Variants in PTPRD observed in about 807,000 individuals in gnomAD.
PTPRD encodes protein tyrosine phosphatase receptor type D.
A neutral mutation model predicts 214.5 loss-of-function variants in PTPRD; 34 were observed. The ratio of observed to expected loss-of-function variants is 0.16; its 90% CI spans 0.12 to 0.21. The LOEUF (loss-of-function observed/expected upper bound fraction) is 0.21, where lower values mean the gene tolerates loss of function less well. Ranked by LOEUF, PTPRD falls within the 10% of genes least tolerant of loss-of-function variation. PTPRD has a pLI of 1.00. For synonymous variants in PTPRD, 1,128 were observed against 845.7 expected (o/e 1.33, Z -5.79); for missense variants, 2,545 against 2,398.7 (o/e 1.06, Z -1.27).
chr9:9,686,823 T>C (rs973536489), intron 7 of PTPRD, among the ~76,000 whole-genome samples: 1 of 151,744 alleles, frequency 6.6e-6, no homozygotes, highest in African/African-American at 2.4e-5. Context: ...TTAGAAGTTA[T>C]CATACTTAAC....
intron 8 of PTPRD, among the ~76,000 whole-genome samples, chr9:9,551,817 T>C (rs2080339836): frequency 6.6e-6 from 1 of 151,978 alleles, no homozygotes; most frequent in Non-Finnish European, 1.5e-5. Context: ...ATGTATCTGC[T>C]AGTGGACTGT....
chr9:9,182,324 A>T (rs1242353365), intron 10 of PTPRD, among the ~76,000 whole-genome samples: 7 of 152,026 alleles, frequency 4.6e-5, no homozygotes, highest in African/African-American at 1.7e-4. Flanking sequence ...TCAACAGGGG[A>T]TAGGGACGGT....
At chr9:10,486,854 T>A (rs34941620) in intron 2 of PTPRD, among the ~76,000 whole-genome samples, 1 of 152,064 alleles carries the variant, frequency 6.6e-6, no homozygotes. Context: ...TTGATGTTTC[T>A]TCATTGATTT....
intron 4 of PTPRD, among the ~76,000 whole-genome samples, chr9:10,003,087 G>A (rs1223309735): frequency 1.3e-5 from 2 of 151,824 alleles, no homozygotes; most frequent in African/African-American, 4.8e-5. Context: ...TGAAAGAGGT[G>A]ACATATCAAG....
chr9:9,835,945 A>G (rs1286814057), intron 5 of PTPRD, among the ~76,000 whole-genome samples: 1 of 152,172 alleles, frequency 6.6e-6, no homozygotes, highest in Non-Finnish European at 1.5e-5. Context: ...TTCTACCACT[A>G]GATGGAAATT....
chr9:9,888,727 G>A (rs1252931279), intron 5 of PTPRD, among the ~76,000 whole-genome samples: 2 of 152,050 alleles, frequency 1.3e-5, no homozygotes, highest in South Asian at 2.1e-4. Flanking sequence ...GCTGAACCAT[G>A]AGCCAAATAG....
intron 5 of PTPRD, among the ~76,000 whole-genome samples, chr9:9,828,853 A>T (rs983579213): frequency 1.3e-5 from 2 of 151,890 alleles, no homozygotes; most frequent in African/African-American, 4.8e-5. Flanking sequence ...ATAACCACAA[A>T]ATGTATTAGA....
chr9:9,170,497 C>T (rs1006590800), intron 10 of PTPRD, among the ~76,000 whole-genome samples: 4 of 152,140 alleles, frequency 2.6e-5, no homozygotes, highest in Admixed American at 1.3e-4. Context: ...CTAATAGCTG[C>T]GAGTGTTACT....
intron 2 of PTPRD, among the ~76,000 whole-genome samples, chr9:10,467,399 A>G (rs909641094): frequency 9.9e-5 from 15 of 152,198 alleles, no homozygotes; most frequent in African/African-American, 3.6e-4. Flanking sequence ...AACCAAAATT[A>G]TTATTATTGG....
At position 9,893,798 on chromosome 9, in the gene PTPRD, C is replaced by A. The variant is rs12003446; in HGVS notation, c.-368+44709G>T. On this transcript the variant is annotated intron_variant, in intron 5 of 45. Transcript: ENST00000381196. The stretch of plus-strand genomic sequence containing the variant: ...TTACCTCCTCTAGCTACCACCTTGT[C>A]TTCTTTTAGCCTGTTCCTTTTATGT... Among the ~76,000 whole-genome samples, 958 of 152,050 alleles carry A rather than the reference C, an allele frequency of 6.3e-3. 11 individuals are homozygous for A. Among genetic ancestry groups the A allele is most frequent in the African/African-American group, 0.021 (883 of 41,430 alleles).
intron 3 of PTPRD, among the ~76,000 whole-genome samples, chr9:10,037,913 T>C (rs2097217510): frequency 6.6e-6 from 1 of 152,176 alleles, no homozygotes; most frequent in Non-Finnish European, 1.5e-5. Flanking sequence ...CATTTTATTT[T>C]CAGTAATGTT....
At chr9:8,525,179 G>A (rs1261962418) in intron 17 of PTPRD, 144 bp from the exon 18 acceptor site, 1 of 772,736 alleles carries the variant, frequency 1.3e-6, no homozygotes, top group South Asian at 1.4e-5. Flanking sequence ...AAGTTGCACA[G>A]ACAGAAAATG....
intron 5 of PTPRD, among the ~76,000 whole-genome samples, chr9:9,936,265 A>G (rs2089351690): frequency 2.7e-5 from 4 of 150,110 alleles, no homozygotes; most frequent in Admixed American, 2.0e-4. Context: ...GCACAGCAAA[A>G]GAAACTACCA....
intron 10 of PTPRD, among the ~76,000 whole-genome samples, chr9:9,058,640 G>A (rs1414253824): frequency 6.6e-6 from 1 of 150,568 alleles, no homozygotes; most frequent in Non-Finnish European, 1.5e-5. Context: ...TAGTAGAGAC[G>A]GGGTTTCACC....
intron 9 of PTPRD, among the ~76,000 whole-genome samples, chr9:9,300,996 C>A (rs185220737): frequency 1.3e-5 from 2 of 151,846 alleles, no homozygotes; most frequent in African/African-American, 4.8e-5. Flanking sequence ...AAAGCACCAG[C>A]ACTATGTTAA....
chr9:10,125,634 G>GTA (rs1189474663), intron 3 of PTPRD, among the ~76,000 whole-genome samples: 1 of 149,946 alleles, frequency 6.7e-6, no homozygotes, highest in Non-Finnish European at 1.5e-5. Context: ...GTGTGTGTGT[G>GTA]TGTGTGTGTG....
intron 5 of PTPRD, among the ~76,000 whole-genome samples, chr9:9,888,569 T>G (rs2071897035): frequency 6.6e-6 from 1 of 152,068 alleles, no homozygotes; most frequent in South Asian, 2.1e-4. Flanking sequence ...GAGAGCCAAT[T>G]GTTAAAAATA....
At chr9:10,213,250 G>T (rs556887798) in intron 3 of PTPRD, among the ~76,000 whole-genome samples, 1 of 152,142 alleles carries the variant, frequency 6.6e-6, no homozygotes, top group South Asian at 2.1e-4. Flanking sequence ...GGCAGAGTAA[G>T]CAAGTCAAAA....
At chr9:9,721,193 A>C (rs1403485331) in intron 7 of PTPRD, among the ~76,000 whole-genome samples, 1 of 152,158 alleles carries the variant, frequency 6.6e-6, no homozygotes, top group Non-Finnish European at 1.5e-5. Flanking sequence ...AGAGTATAGA[A>C]AGTTGCAATA....
Sources: allele counts gnomAD v4.1 joint callset (sites outside exome capture counted in the v4.1 genomes callset), GRCh38; gene constraint gnomAD v4.1.1; transcripts MANE v1.5; gene names NCBI Gene and HGNC (gene_info 2026-07-23, HGNC 2026-07-21).